The following EML2 variants were observed in gnomAD, a reference collection of about 807,000 sequenced individuals.
The protein encoded by EML2 is EMAP like 2.
A neutral mutation model predicts 84.7 loss-of-function variants in EML2; 59 were observed. The ratio of observed to expected loss-of-function variants is 0.70; its 90% CI spans 0.56 to 0.86. EML2 has a LOEUF of 0.86. EML2 is among the 40% of genes least tolerant of loss of function. The pLI is 0.00. For synonymous variants in EML2, 352 were observed against 348.9 expected (o/e 1.01, Z -0.10); for missense variants, 818 against 855.6 (o/e 0.96, Z 0.55).
upstream of EML2, among the ~76,000 whole-genome samples, chr19:45,639,855 G>T (rs1229747528): frequency 6.6e-6 from 1 of 152,080 alleles, no homozygotes; most frequent in African/African-American, 2.4e-5. Flanking sequence ...TTAGCCTGGC[G>T]TGGTGGCTGG....
At chr19:45,642,984 C>CA (rs11433647), upstream of EML2, 22,834 of 82,594 alleles carry the variant, frequency 0.28, 2,378 homozygotes, top group South Asian at 0.38. Context: ...GACTCCGTCT[C>CA]AAAAAAAAAA....
intron 6 of EML2, among the ~76,000 whole-genome samples, chr19:45,630,563 A>AAAAC (rs1972911937): frequency 6.6e-6 from 1 of 151,700 alleles, no homozygotes; most frequent in Non-Finnish European, 1.5e-5. Context: ...AAAAAAAAAA[A>AAAAC]AAAAAGACCT....
rs1282826881 is a variant in EML2, at chr19:45,616,747, C to T, written c.1411+18G>A. ...TCCCCTGGCCCTGCCGCTTGGGTGT[C>T]CCAGGCCTGCCGCTTACCTGGGGAG... On this transcript the variant is annotated intron_variant, in intron 14 of 18. Transcript: ENST00000245925. 1.2e-6 allele frequency: 2 copies of T among 1,609,908 alleles called. No individual in the cohort carries two copies. The highest frequency in any genetic ancestry group is 4.5e-5 in the East Asian group (2 of 44,750).
At chr19:45,615,519 A>AAATAATAAT (rs56322389) in intron 16 of EML2, among the ~76,000 whole-genome samples, 15,653 of 139,044 alleles carry the variant, frequency 0.11, 1,050 homozygotes, top group East Asian at 0.21. Flanking sequence ...CTCCGTCTCA[A>AAATAATAAT]AATAATAATA....
chr19:45,609,884 C>T, intron 18 of EML2, 96 bp from the exon 19 acceptor site: 1 of 1,377,588 alleles, frequency 7.3e-7, no homozygotes, highest in Admixed American at 2.8e-5. Flanking sequence ...TTCTGCTCTT[C>T]CTCTTTTTTT....
At chr19:45,633,243 T>C in intron 4 of EML2, 104 bp from the exon 5 acceptor site, 1 of 1,143,234 alleles carries the variant, frequency 8.7e-7, no homozygotes, top group East Asian at 2.5e-5. Flanking sequence ...GTTTAGTCAA[T>C]AAACGTGTAT....
chr19:45,625,461 T>C (rs1014669722), intron 8 of EML2, among the ~76,000 whole-genome samples: 5 of 152,078 alleles, frequency 3.3e-5, no homozygotes, highest in Non-Finnish European at 7.4e-5. Context: ...CAGGCGGGTC[T>C]GAACTCCTGG....
In EML2 at chr19:45,634,420, G is replaced by C; in HGVS notation, c.231C>G (p.Thr77=). The change falls in exon 4 of 19, where the codon ACC becomes ACG. Residue 77 remains threonine (T), a synonymous_variant. Coordinates refer to ENST00000245925, the MANE Select transcript of EML2 (RefSeq NM_012155.4). ...DCRANLYLLP[T]GEIVYFVASV... ...AGGCCACAAAGTACACTATCTCCCC[G>C]GTGGGCAGCAAATAAAGGTTGGCCC... 6.2e-7 allele frequency: 1 copy of C among 1,613,986 alleles called. No homozygotes were observed. Among genetic ancestry groups the C allele is most frequent in the Non-Finnish European group, 8.5e-7 (1 of 1,179,954 alleles).
chr19:45,629,098 G>A (rs578210575), intron 7 of EML2, among the ~76,000 whole-genome samples: 7 of 151,978 alleles, frequency 4.6e-5, no homozygotes, highest in East Asian at 1.9e-4. Flanking sequence ...AAGGCCCTAC[G>A]AGGAAGATGC....
At chr19:45,620,775 T>G in intron 11 of EML2, 1 of 317,560 alleles carries the variant, frequency 3.1e-6, no homozygotes, top group Non-Finnish European at 6.3e-6. Context: ...TTTAATTGGG[T>G]CAGGGGTAAG....
At chr19:45,634,285 C>A in intron 4 of EML2, 37 bp downstream of exon 4, 1 of 1,611,500 alleles carries the variant, frequency 6.2e-7, no homozygotes, top group South Asian at 1.1e-5. Flanking sequence ...CATCTCCAGC[C>A]ACAGCTCCCT....
rs760607927 is a variant in EML2, at chr19:45,615,780, CTCT to C, written c.1597+19_1597+21del. 43 of 1,603,624 alleles carry C rather than the reference CTCT, an allele frequency of 2.7e-5. No homozygotes were observed. The Middle Eastern group carries it at 5.0e-4, about 18-fold the overall frequency. ...GCAAATGAGACGGAGGAAGTAATGT[CTCT>C]GGGTCCCGGAGAACTCACAGTACAG... On this transcript the variant is annotated intron_variant, in intron 16 of 18. Transcript: ENST00000245925.
intron 6 of EML2, among the ~76,000 whole-genome samples, chr19:45,631,248 AC>A (rs1441245931): frequency 1.3e-5 from 2 of 152,030 alleles, no homozygotes; most frequent in East Asian, 1.9e-4. Flanking sequence ...GCTTACCCCT[AC>A]CCCAAGCTCT....
chr19:45,641,247 C>T, upstream of EML2: 1 of 186,590 alleles, frequency 5.4e-6, no homozygotes, highest in Non-Finnish European at 1.2e-5. Context: ...AACACTGTGG[C>T]TGCACCCTTA....
In EML2 at chr19:45,631,409, TTATCTATC is replaced by T. The variant is rs59907748; in HGVS notation, c.511-1371_511-1364del. Among the ~76,000 whole-genome samples, 14 of 151,496 alleles carry T rather than the reference TTATCTATC, an allele frequency of 9.2e-5. No homozygotes were observed. The East Asian group carries it at 2.1e-3, about 23-fold the overall frequency. On this transcript the variant is annotated intron_variant, in intron 6 of 18. Transcript: ENST00000245925. Reference sequence around the variant, plus strand: ...ATGATAAAAATGTAAAATATGATTTTTATCTATCTATCTATCTATATATTTTTGAGACA... The same window carrying T: ...ATGATAAAAATGTAAAATATGATTTTTATCTATCTATATATTTTTGAGACA...
chr19:45,616,024 A>G, intron 15 of EML2, 135 bp from the exon 16 acceptor site: 2 of 697,842 alleles, frequency 2.9e-6, no homozygotes, highest in East Asian at 2.7e-5. Flanking sequence ...GGAAGGATAC[A>G]CAGGCCTTTG....
chr19:45,613,754 C>T, intron 17 of EML2, 83 bp from the exon 18 acceptor site: 1 of 1,546,814 alleles, frequency 6.5e-7, no homozygotes, highest in South Asian at 1.2e-5. Flanking sequence ...CTCCAGCCAC[C>T]TTAATTTGTT....
chr19:45,642,494 T>C, upstream of EML2: 2 of 1,433,526 alleles, frequency 1.4e-6, no homozygotes, highest in Non-Finnish European at 1.8e-6. Flanking sequence ...CACTTGGACA[T>C]GAGCCAAGGA....
rs1045352225 is a variant in EML2 at position 45,628,185 on chromosome 19, C to T, written c.607-1346G>A. On this transcript the variant is annotated intron_variant, in intron 7 of 18. Transcript: ENST00000245925. ...AGGAGTTCGAGACTGGCCTGGTCAA[C>T]GTGGCGAAACCCCATCTCTACTAAA... is the stretch of plus-strand genomic sequence containing the variant. 4.6e-5 allele frequency among the ~76,000 whole-genome samples: 7 copies of T among 151,218 alleles called. No homozygotes were observed. In the East Asian group the frequency reaches 9.8e-4, roughly 21 times the overall value.
Sources: allele counts gnomAD v4.1 joint callset (sites outside exome capture counted in the v4.1 genomes callset), GRCh38; gene constraint gnomAD v4.1.1; transcripts MANE v1.5; gene names NCBI Gene and HGNC (gene_info 2026-07-23, HGNC 2026-07-21).